POLRMT: variants seen among roughly 807,000 people sequenced by gnomAD.
POLRMT encodes DNA-directed RNA polymerase, mitochondrial.
In POLRMT, 114 loss-of-function variants were observed where a neutral mutation model predicts 132.2. The observed-to-expected ratio is 0.86, with a 90% CI of 0.74 to 1.01. The LOEUF is 1.01. Ranked by LOEUF, POLRMT falls within the 50% of genes least tolerant of loss-of-function variation. The pLI, the probability that POLRMT is intolerant of heterozygous loss-of-function variation, is 0.00. For missense variants in POLRMT, 2,003 were observed against 1,729.1 expected (o/e 1.16, Z -2.81); for synonymous variants, 1,020 against 773.4 (o/e 1.32, Z -5.29).
intron 5 of POLRMT, among the ~76,000 whole-genome samples, chr19:624,171 G>A (rs1474863660): frequency 6.6e-6 from 1 of 152,210 alleles, no homozygotes; most frequent in Non-Finnish European, 1.5e-5. Flanking sequence ...GCCTCCCGGA[G>A]GCACCATGAG....
intron 6 of POLRMT, 63 bp downstream of exon 6, chr19:623,391 C>T (rs1984781709): frequency 1.9e-6 from 3 of 1,584,904 alleles, no homozygotes; most frequent in Admixed American, 1.7e-5. Flanking sequence ...TCAGCCCGTG[C>T]GGTGGACACG....
Position 633,266 on chromosome 19 carries a change from G to T in POLRMT, c.88+159C>A, listed in dbSNP as rs560606686. ...CAGACTGCACGGAGGAGCCTCAGTC[G>T]AAAAGCGGGCAAGGGCGAGTGGAAA... On this transcript the variant is annotated intron_variant, in intron 1 of 20. Coordinates refer to ENST00000588649, the MANE Select transcript of POLRMT (RefSeq NM_005035.4). 10 of 944,024 alleles carry T rather than the reference G, an allele frequency of 1.1e-5. No individual in the cohort carries two copies. In the East Asian group the frequency reaches 2.3e-4, roughly 21 times the overall value. The allele number at this position is 944,024 out of a possible 1,614,324, so 58.5% of individuals were successfully genotyped here.
Position 632,835 on chromosome 19 carries a change from C to G in POLRMT, c.192G>C (p.Glu64Asp). ...RKDWGHVELL[E>D]VLQARVRQLQ... ...GGCCGCCGTGGGGGTCGCGCTCACCCTCCAGCAGCTCCACGTGGCCCCAGT... is the reference window on the plus strand; with the variant it reads ...GGCCGCCGTGGGGGTCGCGCTCACCGTCCAGCAGCTCCACGTGGCCCCAGT... Residue 64 changes from glutamate to aspartate, a missense_variant and splice_region_variant, in exon 2 of 21, where the codon GAG (glutamate) becomes GAC (aspartate). By Grantham distance (45) the Glu-to-Asp change is conservative. Transcript: ENST00000588649. The G allele has an allele frequency of 6.5e-6, 10 of 1,537,924 alleles. No individual in the cohort carries two copies. Among genetic ancestry groups the G allele is most frequent in the Non-Finnish European group, 8.7e-6 (10 of 1,144,502 alleles).
rs1984563333 is a variant in POLRMT, at chr19:621,272, C to T, written c.2426G>A (p.Cys809Tyr). 6.2e-7 allele frequency: 1 copy of T among 1,607,350 alleles called. No homozygotes were observed. ...GCCCAGGTGGTTGAAGTGCGGCGGG[C>T]AGGGGTAGGTGCGGCCGCGGAAGTC... is the stretch of plus-strand genomic sequence containing the variant. ...NMDFRGRTYPCPPHFNHLGSD... is the reference protein window; with the variant it reads ...NMDFRGRTYPYPPHFNHLGSD... Residue 809 changes from cysteine to tyrosine, a missense_variant, in exon 10 of 21, where the codon TGC becomes TAC. Cys to Tyr is a radical substitution (Grantham distance 194, BLOSUM62 -2). Transcript: ENST00000588649.
intron 4 of POLRMT, 46 bp from the exon 5 acceptor site, chr19:624,951 G>C: frequency 6.4e-7 from 1 of 1,568,824 alleles, no homozygotes; most frequent in South Asian, 1.2e-5. Context: ...GCCCCACGCT[G>C]GGCTTCCACA....
intron 3 of POLRMT, among the ~76,000 whole-genome samples, chr19:628,988 G>C (rs1318066887): frequency 6.6e-6 from 1 of 152,112 alleles, no homozygotes; most frequent in African/African-American, 2.4e-5. Context: ...TAGTAACAGG[G>C]AGAGTATGTC....
chr19:633,528 A>AGGCGCCGCCGCCGCCGCCGCCGC lies in POLRMT; in HGVS notation c.-17_-16insGCGGCGGCGGCGGCGGCGGCGCC. 1.4e-6 allele frequency: 1 copy of AGGCGCCGCCGCCGCCGCCGCCGC among 707,538 alleles called. No individual in the cohort carries two copies. 43.8% of individuals were successfully genotyped at this position (707,538 alleles called of 1,614,324 possible). On this transcript the variant is annotated 5_prime_UTR_variant, in exon 1 of 21. Coordinates refer to ENST00000588649, the MANE Select transcript of POLRMT (RefSeq NM_005035.4). The stretch of plus-strand genomic sequence containing the variant: ...GTGCCGACATTACGCACGCCGCTCC[A>AGGCGCCGCCGCCGCCGCCGCCGC]GGCCACCCCACCGGCCCGCGCCTGC...
rs1290937780 is a variant in POLRMT at position 619,669 on chromosome 19, T to C, written c.2983A>G (p.Met995Val). The change falls in exon 13 of 21, where the codon ATG (methionine) becomes GTG (valine). Residue 995 changes from methionine to valine, a missense_variant. Physicochemically the swap from Met to Val is conservative, Grantham distance 21. Coordinates refer to ENST00000588649, the MANE Select transcript of POLRMT (RefSeq NM_005035.4). ...ITRKVVKQTVMTVVYGVTRYG... is the reference protein window; with the variant it reads ...ITRKVVKQTVVTVVYGVTRYG... ...CGCGTGACCCCGTACACCACCGTCA[T>C]CACCGTCTGCTTCACCACCTTGCGG... 6.2e-7 allele frequency: 1 copy of C among 1,610,478 alleles called. No individual in the cohort carries two copies. Among genetic ancestry groups the C allele is most frequent in the African/African-American group, 1.3e-5 (1 of 74,848 alleles).
Position 622,672 on chromosome 19 carries a change from G to C in POLRMT, c.1536C>G (p.His512Gln). 6.2e-7 allele frequency: 1 copy of C among 1,606,206 alleles called. No homozygotes were observed. The highest frequency in any genetic ancestry group is 8.5e-7 in the Non-Finnish European group (1 of 1,177,670). Reference protein sequence around the residue: ...RELSARTFSRHVVQRQRVSGQ... With the variant: ...RELSARTFSRQVVQRQRVSGQ... Reference sequence around the variant, plus strand: ...CACTGACCCGCTGCCTCTGCACCACGTGCCGGCTGAAAGTGCGCGCACTCA... The same window carrying C: ...CACTGACCCGCTGCCTCTGCACCACCTGCCGGCTGAAAGTGCGCGCACTCA... Residue 512 changes from histidine (H) to glutamine (Q), a missense_variant, in exon 8 of 21, where the codon CAC becomes CAG. Physicochemically the swap from His to Gln is conservative, Grantham distance 24. Coordinates refer to ENST00000588649, the MANE Select transcript of POLRMT (RefSeq NM_005035.4).
chr19:619,297 C>T lies in POLRMT; in HGVS notation c.3067-1G>A, dbSNP rs751782013. ...AGTGAGAGGCCTCCCACACGAACTC[C>T]TGCAGAGGGCGGGCAGCAGGTGCAG... is the stretch of plus-strand genomic sequence containing the variant. On this transcript the variant is annotated splice_acceptor_variant, in intron 13 of 20. Transcript: ENST00000588649. LOFTEE classifies it high-confidence loss of function. 6.2e-7 allele frequency: 1 copy of T among 1,608,954 alleles called. No individual in the cohort carries two copies. The highest frequency in any genetic ancestry group is 2.2e-5 in the East Asian group (1 of 44,800).
chr19:619,583 C>A lies in POLRMT; in HGVS notation c.3066+3G>T, dbSNP rs760890379. 3 of 1,611,342 alleles carry A rather than the reference C, an allele frequency of 1.9e-6. No homozygotes were observed. In the African/African-American group the frequency reaches 4.0e-5, roughly 22 times the overall value. ...TGTTCGCAGCGCGACATGCCTGGCG[C>A]ACCTGGGGAAAGTCGCTCAGCTCCC... On this transcript the variant is annotated splice_donor_region_variant and intron_variant, in intron 13 of 20. Coordinates refer to ENST00000588649, the MANE Select transcript of POLRMT (RefSeq NM_005035.4).
rs372914047 is a variant in POLRMT, at chr19:617,368, C to T, written c.3644-45G>A. On this transcript the variant is annotated intron_variant, in intron 20 of 20. Coordinates refer to ENST00000588649, the MANE Select transcript of POLRMT (RefSeq NM_005035.4). ...GACGGCGTGGGTGGCGGGAAAGCCC[C>T]GCCCTGGCCCGCAGTTCGAGCCACC... 3.8e-5 allele frequency: 61 copies of T among 1,612,314 alleles called. No individual in the cohort carries two copies. The Admixed American group carries it at 7.0e-4, about 19-fold the overall frequency.
At chr19:632,307 G>A (rs962064050) in intron 2 of POLRMT, among the ~76,000 whole-genome samples, 2 of 152,228 alleles carry the variant, frequency 1.3e-5, no homozygotes, top group African/African-American at 2.4e-5. Context: ...ACAGGATGTG[G>A]GACAGAAGCA....
chr19:627,148 ATTTT>A lies in POLRMT; in HGVS notation c.823-1898_823-1895del, dbSNP rs869110035. On this transcript the variant is annotated intron_variant, in intron 3 of 20. Transcript: ENST00000588649. ...AGACCAGAGACATGAGTTTTGGGGC[ATTTT>A]TTTTTTTTTTTTTTTTTGAGACGGA... 8.3e-3 allele frequency among the ~76,000 whole-genome samples: 991 copies of A among 119,746 alleles called. 16 individuals are homozygous for A. The highest frequency in any genetic ancestry group is 0.03 in the African/African-American group (917 of 30,234). The allele number at this position is 119,746 out of a possible 152,430, so 78.6% of individuals were successfully genotyped here.
chr19:618,644 GTC>G, intron 16 of POLRMT, 58 bp from the exon 17 acceptor site: 5 of 1,600,126 alleles, frequency 3.1e-6, no homozygotes, highest in Non-Finnish European at 4.3e-6. Context: ...ACTGGCCGCT[GTC>G]TCCACCGTGG....
chr19:618,186 C>G (rs1047962562), intron 17 of POLRMT: 2 of 548,262 alleles, frequency 3.6e-6, no homozygotes, highest in Admixed American at 6.4e-5. Context: ...CCGGTAGATT[C>G]TGCTGGAACG....
In POLRMT at chr19:620,506, G is replaced by T. The variant is rs1473970896; in HGVS notation, c.2641-19C>A. 18 of 1,554,090 alleles carry T rather than the reference G, an allele frequency of 1.2e-5. No individual in the cohort carries two copies. The highest frequency in any genetic ancestry group is 3.8e-5 in the Admixed American group (2 of 52,612). Reference sequence around the variant, plus strand: ...TTCGGCCCTGCGGGGACAGCGGATGGGGGGCAGTGAGGCCCGGGCCCGATC... The same window carrying T: ...TTCGGCCCTGCGGGGACAGCGGATGTGGGGCAGTGAGGCCCGGGCCCGATC... On this transcript the variant is annotated intron_variant, in intron 10 of 20. Coordinates refer to ENST00000588649, the MANE Select transcript of POLRMT (RefSeq NM_005035.4).
At chr19:629,410 A>G (rs1985242962) in intron 3 of POLRMT, 130 bp downstream of exon 3, 1 of 1,026,816 alleles carries the variant, frequency 9.7e-7, no homozygotes, top group Middle Eastern at 3.6e-4. Flanking sequence ...TGAAAAGCCT[A>G]AAAGAATTAT....
At chr19:625,103 G>A in intron 4 of POLRMT, 21 bp downstream of exon 4, 5 of 1,606,562 alleles carry the variant, frequency 3.1e-6, no homozygotes, top group Non-Finnish European at 4.2e-6. Context: ...GGGGGGTGGG[G>A]GCCCTCCCGA....
Sources: allele counts gnomAD v4.1 joint callset (sites outside exome capture counted in the v4.1 genomes callset), GRCh38; gene constraint gnomAD v4.1.1; transcripts MANE v1.5; gene names NCBI Gene and HGNC (gene_info 2026-07-23, HGNC 2026-07-21).